Variants in GPR158 observed in about 807,000 individuals in gnomAD.
GPR158 encodes metabotropic glycine receptor.
GPR158 carries 30 observed loss-of-function variants against 78.2 expected under a neutral mutation model. The ratio of observed to expected loss-of-function variants is 0.38; its 90% CI spans 0.29 to 0.52. GPR158 has a LOEUF of 0.52. Among genes scored for constraint, GPR158 ranks in the 20% least tolerant of loss-of-function variants. The pLI is 0.83. For missense variants in GPR158, 1,463 were observed against 1,523.5 expected (o/e 0.96, Z 0.66); for synonymous variants, 581 against 591.1 (o/e 0.98, Z 0.25).
At chr10:25,255,596 G>A (rs759814312) in intron 2 of GPR158, among the ~76,000 whole-genome samples, 1 of 152,198 alleles carries the variant, frequency 6.6e-6, no homozygotes, top group Non-Finnish European at 1.5e-5. Flanking sequence ...TGTTTTATTT[G>A]TTTGTCTGTT....
chr10:25,293,904 C>T (rs1011838199), intron 2 of GPR158, among the ~76,000 whole-genome samples: 1 of 152,036 alleles, frequency 6.6e-6, no homozygotes, highest in Admixed American at 6.6e-5. Context: ...CACCACCATA[C>T]CCAGCTAATT....
At chr10:25,303,896 G>A (rs1854632519) in intron 2 of GPR158, among the ~76,000 whole-genome samples, 1 of 152,148 alleles carries the variant, frequency 6.6e-6, no homozygotes, top group African/African-American at 2.4e-5. Context: ...AGGCTTGGAG[G>A]TTTTTGCCAA....
At chr10:25,373,663 G>A (rs1834036508) in intron 2 of GPR158, among the ~76,000 whole-genome samples, 1 of 151,576 alleles carries the variant, frequency 6.6e-6, no homozygotes, top group South Asian at 2.1e-4. Context: ...TTTCCTTTTT[G>A]ATTTTTGAGT....
chr10:25,568,002 G>A (rs1216562478), intron 6 of GPR158, among the ~76,000 whole-genome samples: 1 of 152,204 alleles, frequency 6.6e-6, no homozygotes, highest in Non-Finnish European at 1.5e-5. Flanking sequence ...TCATTTGATT[G>A]CTGGAATGTG....
chr10:25,312,640 C>G (rs1404897447), intron 2 of GPR158, among the ~76,000 whole-genome samples: 1 of 152,062 alleles, frequency 6.6e-6, no homozygotes, highest in East Asian at 1.9e-4. Flanking sequence ...AGTGATTTTT[C>G]TTGAGAAAAA....
intron 4 of GPR158, among the ~76,000 whole-genome samples, chr10:25,422,416 C>T (rs1160678616): frequency 6.6e-6 from 1 of 151,932 alleles, no homozygotes; most frequent in African/African-American, 2.4e-5. Context: ...GAATCTAATG[C>T]CTGATGATCT....
At chr10:25,403,932 G>A (rs1485981454) in intron 3 of GPR158, among the ~76,000 whole-genome samples, 1 of 151,966 alleles carries the variant, frequency 6.6e-6, no homozygotes, top group African/African-American at 2.4e-5. Context: ...GAGGTGCTAA[G>A]TGTATAAAGA....
At position 25,594,352 on chromosome 10, in the gene GPR158, T is replaced by C; in HGVS notation, c.1953T>C (p.Thr651=). 6.3e-7 allele frequency: 1 copy of C among 1,593,926 alleles called. No homozygotes were observed. Among genetic ancestry groups the C allele is most frequent in the Non-Finnish European group, 8.6e-7 (1 of 1,162,940 alleles). Residue 651 remains threonine (T), a synonymous_variant, in exon 9 of 11, where the codon ACT becomes ACC. Transcript: ENST00000376351. The part of the protein sequence containing the change: ...DWMLMLYFAH[T]HLTVTVTIGL... Reference sequence around the variant, plus strand: ...TGTTGATGCTGTATTTTGCACATACTCATTTGACTGTGACAGTCACCATTG... The same window carrying C: ...TGTTGATGCTGTATTTTGCACATACCCATTTGACTGTGACAGTCACCATTG...
At chr10:25,457,768 C>T (rs138948258) in intron 4 of GPR158, among the ~76,000 whole-genome samples, 1 of 152,212 alleles carries the variant, frequency 6.6e-6, no homozygotes, top group Non-Finnish European at 1.5e-5. Flanking sequence ...AAAACATTCC[C>T]TCTCATGCAT....
chr10:25,275,390 T>C (rs1292812691), intron 2 of GPR158, among the ~76,000 whole-genome samples: 1 of 152,196 alleles, frequency 6.6e-6, no homozygotes, highest in African/African-American at 2.4e-5. Context: ...GTAATCCTTT[T>C]CCTTTTATAA....
chr10:25,338,375 C>T lies in GPR158; in HGVS notation c.1009-57536C>T, dbSNP rs1855240615. On this transcript the variant is annotated intron_variant, in intron 2 of 10. Transcript: ENST00000376351. ...TTTCCCATAAATCTGATGACTATAT[C>T]TATATATCTCTCTCTATATATATTA... Among the ~76,000 whole-genome samples, 12 of 141,408 alleles carry T rather than the reference C, an allele frequency of 8.5e-5. No homozygotes were observed. The South Asian group carries it at 2.6e-3, about 31-fold the overall frequency. The allele number at this position is 141,408 out of a possible 152,430, so 92.8% of individuals were successfully genotyped here. A position where few individuals can be genotyped will look rare whatever the true frequency, so the allele number is the denominator to read the frequency against.
intron 2 of GPR158, among the ~76,000 whole-genome samples, chr10:25,233,434 C>T (rs1853480180): frequency 6.6e-6 from 1 of 151,876 alleles, no homozygotes; most frequent in Non-Finnish European, 1.5e-5. Flanking sequence ...GGAGGAGATT[C>T]TATTGAGTTG....
intron 2 of GPR158, chr10:25,393,641 C>T (rs1834331677): frequency 1.3e-5 from 2 of 152,152 alleles, no homozygotes; most frequent in South Asian, 4.1e-4. Context: ...CAGGGGAACA[C>T]AGCAGCTTGT....
At chr10:25,524,582 A>G (rs948105388) in intron 5 of GPR158, among the ~76,000 whole-genome samples, 5 of 152,330 alleles carry the variant, frequency 3.3e-5, no homozygotes, top group Admixed American at 1.3e-4. Flanking sequence ...CTGGATATCC[A>G]TAAGCAGAAT....
At chr10:25,433,819 C>T (rs558546258) in intron 4 of GPR158, among the ~76,000 whole-genome samples, 1 of 150,588 alleles carries the variant, frequency 6.6e-6, no homozygotes, top group Non-Finnish European at 1.5e-5. Context: ...CAGACCTGAG[C>T]CACTGAACCT....
chr10:25,557,428 GA>G (rs1410434047), intron 6 of GPR158, among the ~76,000 whole-genome samples: 1 of 152,164 alleles, frequency 6.6e-6, no homozygotes, highest in Non-Finnish European at 1.5e-5. Flanking sequence ...CAGAAACCAT[GA>G]AAACAAGCAT....
chr10:25,508,286 A>G (rs1415618115), intron 5 of GPR158, among the ~76,000 whole-genome samples: 2 of 152,194 alleles, frequency 1.3e-5, no homozygotes, highest in Non-Finnish European at 2.9e-5. Context: ...CTGAAACCAC[A>G]TGCTCAGAAG....
intron 5 of GPR158, among the ~76,000 whole-genome samples, chr10:25,520,563 C>T (rs1373287779): frequency 1.3e-5 from 2 of 150,098 alleles, no homozygotes; most frequent in Non-Finnish European, 1.5e-5. Context: ...GTGTGGATGT[C>T]CTTTCTGTTT....
At chr10:25,297,496 T>C (rs1002493459) in intron 2 of GPR158, among the ~76,000 whole-genome samples, 11 of 149,348 alleles carry the variant, frequency 7.4e-5, no homozygotes, top group African/African-American at 2.8e-4. Context: ...GATAGGGATC[T>C]AACCAGAAGC....
Sources: allele counts gnomAD v4.1 joint callset (sites outside exome capture counted in the v4.1 genomes callset), GRCh38; gene constraint gnomAD v4.1.1; transcripts MANE v1.5; gene names NCBI Gene and HGNC (gene_info 2026-07-23, HGNC 2026-07-21).